CDH11: variants seen among roughly 807,000 people sequenced by gnomAD.
CDH11 encodes cadherin-11.
Under a neutral mutation model 67.8 loss-of-function variants are expected in CDH11, and 11 were observed. The ratio of observed to expected loss-of-function variants is 0.16; its 90% CI spans 0.10 to 0.27. CDH11 has a LOEUF of 0.27. CDH11 is among the 10% of genes least tolerant of loss of function. The probability of loss-of-function intolerance (pLI) is 1.00; values close to 1 mark genes in which losing one functional copy is unlikely to be tolerated. For missense variants in CDH11, 847 were observed against 1,031.2 expected, an observed-to-expected ratio of 0.82 and a Z score of 2.45; for synonymous variants, 419 against 400.0, an observed-to-expected ratio of 1.05 and a Z score of -0.57.
intron 1 of CDH11, among the ~76,000 whole-genome samples, chr16:65,082,550 A>G (rs1276322634): frequency 6.6e-6 from 1 of 152,198 alleles, no homozygotes; most frequent in African/African-American, 2.4e-5. Context: ...TGTAAAATGT[A>G]AGCTCCAGAT....
At chr16:65,087,737 G>T (rs2074724800) in intron 1 of CDH11, among the ~76,000 whole-genome samples, 1 of 152,108 alleles carries the variant, frequency 6.6e-6, no homozygotes, top group African/African-American at 2.4e-5. Flanking sequence ...TCTTGACCAG[G>T]TAAGGGCTAT....
intron 12 of CDH11, among the ~76,000 whole-genome samples, chr16:64,949,782 C>G (rs976459953): frequency 1.3e-5 from 2 of 152,106 alleles, no homozygotes; most frequent in Non-Finnish European, 2.9e-5. Flanking sequence ...GTCCCTATTA[C>G]AGCACCCACC....
At chr16:65,008,003 C>T (rs1414741858) in intron 2 of CDH11, among the ~76,000 whole-genome samples, 1 of 152,200 alleles carries the variant, frequency 6.6e-6, no homozygotes, top group Admixed American at 6.5e-5. Flanking sequence ...GCCCATCTTG[C>T]ACCATGCCAA....
Position 65,054,791 on chromosome 16 carries a change from A to G in CDH11, c.-297-863T>C, listed in dbSNP as rs139499941. Among the ~76,000 whole-genome samples the G allele has an allele frequency of 4.2e-3, 638 of 152,328 alleles. 4 individuals are homozygous for G. Among genetic ancestry groups the G allele is most frequent in the Non-Finnish European group, 6.9e-3 (470 of 68,030 alleles). ...CTTCATCTCTAGGCTTCTACCTTCT[A>G]GGATCAACTCAGCCTGCATTAGGGG... is the stretch of plus-strand genomic sequence containing the variant. On this transcript the variant is annotated intron_variant, in intron 1 of 12. Coordinates refer to ENST00000268603, the MANE Select transcript of CDH11 (RefSeq NM_001797.4).
At chr16:65,035,396 C>T (rs775501572) in intron 2 of CDH11, among the ~76,000 whole-genome samples, 3 of 152,180 alleles carry the variant, frequency 2.0e-5, no homozygotes, top group African/African-American at 7.2e-5. Context: ...GGTATTCAAG[C>T]GCAGTGGAAG....
At chr16:65,027,649 G>C (rs1448698216) in intron 2 of CDH11, among the ~76,000 whole-genome samples, 1 of 152,198 alleles carries the variant, frequency 6.6e-6, no homozygotes, top group African/African-American at 2.4e-5. Flanking sequence ...AGATGTCCAC[G>C]ACAGAAAGGC....
At position 64,947,056 on chromosome 16, in the gene CDH11, A is replaced by C. The variant is rs1242585049; in HGVS notation, c.*547T>G. 2.0e-5 allele frequency: 21 copies of C among 1,032,246 alleles called. 1 individual carries two copies. The South Asian group carries it at 6.0e-4, about 29-fold the overall frequency. The allele number at this position is 1,032,246 out of a possible 1,614,324, so 63.9% of individuals were successfully genotyped here. ...TGAAAGTAGAAGCAAAAAGATTTAC[A>C]AGAATCAGCAGTAACAAGATTGATG... is the stretch of plus-strand genomic sequence containing the variant. On this transcript the variant is annotated 3_prime_UTR_variant, in exon 13 of 13. Transcript: ENST00000268603.
chr16:65,098,045 T>C (rs1373005411), intron 1 of CDH11, among the ~76,000 whole-genome samples: 2 of 152,132 alleles, frequency 1.3e-5, no homozygotes, highest in African/African-American at 4.8e-5. Context: ...TCTTCCTTCC[T>C]ACCAGAAGAC....
intron 2 of CDH11, among the ~76,000 whole-genome samples, chr16:65,035,235 G>A (rs964279807): frequency 1.3e-4 from 20 of 152,338 alleles, no homozygotes; most frequent in African/African-American, 4.8e-4. Context: ...CAGGGAGTGT[G>A]CCCAGGGCTT....
chr16:65,055,612 A>C lies in CDH11; in HGVS notation c.-297-1684T>G, dbSNP rs1449840303. On this transcript the variant is annotated intron_variant, in intron 1 of 12. Coordinates refer to ENST00000268603, the MANE Select transcript of CDH11 (RefSeq NM_001797.4). ...GAACAGTACTTTAAATCTCATCCAT[A>C]CTGATTGTGTCTCAGAATGAATAGT... is the stretch of plus-strand genomic sequence containing the variant. 2.6e-5 allele frequency among the ~76,000 whole-genome samples: 4 copies of C among 152,278 alleles called. No homozygotes were observed. In the East Asian group the frequency reaches 7.7e-4, roughly 29 times the overall value.
intron 2 of CDH11, among the ~76,000 whole-genome samples, chr16:65,039,666 T>TA: frequency 6.6e-6 from 1 of 152,220 alleles, no homozygotes; most frequent in Non-Finnish European, 1.5e-5. Flanking sequence ...ACTTCATGTC[T>TA]AAAACACCAA....
chr16:65,067,706 A>G (rs542620924), intron 1 of CDH11, among the ~76,000 whole-genome samples: 7 of 141,338 alleles, frequency 5.0e-5, no homozygotes, highest in Admixed American at 2.1e-4. Flanking sequence ...AGAAGGAGGG[A>G]GGGAAGAAGG....
intron 7 of CDH11, among the ~76,000 whole-genome samples, chr16:64,983,518 A>C (rs564174083): frequency 1.3e-5 from 2 of 152,320 alleles, no homozygotes; most frequent in South Asian, 2.1e-4. Flanking sequence ...GAATGGGCAT[A>C]TAGTCATGGG....
chr16:65,104,898 A>G (rs1320544746), intron 1 of CDH11, among the ~76,000 whole-genome samples: 1 of 152,236 alleles, frequency 6.6e-6, no homozygotes, highest in Admixed American at 6.5e-5. Context: ...TTGTCTTGGT[A>G]GTATTCTCAA....
chr16:65,023,218 A>C (rs1003572478), intron 2 of CDH11, among the ~76,000 whole-genome samples: 1 of 152,186 alleles, frequency 6.6e-6, no homozygotes, highest in Non-Finnish European at 1.5e-5. Flanking sequence ...AAAGCCACTT[A>C]CCCATCTGTC....
intron 1 of CDH11, among the ~76,000 whole-genome samples, chr16:65,115,629 T>C (rs2075229341): frequency 6.7e-6 from 1 of 149,852 alleles, no homozygotes; most frequent in Non-Finnish European, 1.5e-5. Context: ...CTTGGGGAGC[T>C]TATATAGCTT....
intron 1 of CDH11, chr16:65,072,166 T>C (rs2074429298): frequency 6.6e-6 from 1 of 152,308 alleles, no homozygotes; most frequent in African/African-American, 2.4e-5. Flanking sequence ...ACACCTCATG[T>C]GGGGAGACCA....
chr16:65,034,447 C>A (rs2073711418), intron 2 of CDH11, among the ~76,000 whole-genome samples: 1 of 152,152 alleles, frequency 6.6e-6, no homozygotes, highest in Admixed American at 6.5e-5. Flanking sequence ...GGATGCCAGC[C>A]ACCCCTGTTA....
chr16:65,118,220 C>G (rs1283211489), intron 1 of CDH11, among the ~76,000 whole-genome samples: 2 of 152,104 alleles, frequency 1.3e-5, no homozygotes, highest in African/African-American at 4.8e-5. Flanking sequence ...CAGAGTTGTA[C>G]AAGGCTCTCA....
Sources: allele counts gnomAD v4.1 joint callset (sites outside exome capture counted in the v4.1 genomes callset), GRCh38; gene constraint gnomAD v4.1.1; transcripts MANE v1.5; gene names NCBI Gene and HGNC (gene_info 2026-07-23, HGNC 2026-07-21).